The following KIAA1328 variants were observed in gnomAD, a reference collection of about 807,000 sequenced individuals.
KIAA1328 encodes the protein protein hinderin.
Under a neutral mutation model 68.1 loss-of-function variants are expected in KIAA1328, and 52 were observed. The observed-to-expected ratio is 0.76, with a 90% CI of 0.61 to 0.96. The LOEUF is 0.96. Among genes scored for constraint, KIAA1328 ranks in the 40% least tolerant of loss-of-function variants. The pLI is 0.00. For synonymous variants in KIAA1328, 232 were observed against 239.4 expected (o/e 0.97, Z 0.28); for missense variants, 641 against 677.6 (o/e 0.95, Z 0.60).
intron 5 of KIAA1328, among the ~76,000 whole-genome samples, chr18:36,889,861 G>C (rs1568127917): frequency 6.6e-6 from 1 of 152,058 alleles, no homozygotes; most frequent in Non-Finnish European, 1.5e-5. Flanking sequence ...CAAGGGTTAG[G>C]CTGCTTAGTA....
chr18:36,864,733 C>G (rs1173880299), intron 4 of KIAA1328, among the ~76,000 whole-genome samples: 2 of 151,524 alleles, frequency 1.3e-5, no homozygotes, highest in Non-Finnish European at 2.9e-5. Context: ...TTCACTGAAA[C>G]CATCCAGGCT....
intron 4 of KIAA1328, among the ~76,000 whole-genome samples, chr18:36,863,635 T>C (rs759435791): frequency 1.3e-5 from 2 of 152,184 alleles, no homozygotes; most frequent in Non-Finnish European, 2.9e-5. Flanking sequence ...GGGTTGGGTC[T>C]TCTCATCTAT....
rs149627595 is a variant in KIAA1328, at chr18:37,129,291, A to T, written c.1233-30909A>T. Among the ~76,000 whole-genome samples the T allele has an allele frequency of 5.2e-3, 793 of 152,256 alleles. 11 individuals carry two copies. Among genetic ancestry groups the T allele is most frequent in the African/African-American group, 0.018 (740 of 41,548 alleles). The stretch of plus-strand genomic sequence containing the variant: ...TGTGGATAAGTATTTTTATGGCAGC[A>T]TTATTTCCAGTGGAAAAAAAAACCA... On this transcript the variant is annotated intron_variant, in intron 7 of 9. Transcript: ENST00000280020.
At chr18:36,915,216 C>T (rs997457418) in intron 5 of KIAA1328, among the ~76,000 whole-genome samples, 8 of 152,094 alleles carry the variant, frequency 5.3e-5, no homozygotes, top group African/African-American at 1.4e-4. Context: ...AACTGAGATT[C>T]CAGAACTGGA....
chr18:37,064,477 G>A (rs1357055381), intron 6 of KIAA1328, among the ~76,000 whole-genome samples: 1 of 151,392 alleles, frequency 6.6e-6, no homozygotes, highest in Non-Finnish European at 1.5e-5. Context: ...GGAGTAGCTA[G>A]CTATTTCAAT....
intron 7 of KIAA1328, among the ~76,000 whole-genome samples, chr18:37,124,593 A>G (rs1643594618): frequency 6.6e-6 from 1 of 152,130 alleles, no homozygotes; most frequent in South Asian, 2.1e-4. Flanking sequence ...CTGTTTCAGT[A>G]TGTTTTACAT....
At chr18:36,911,191 G>T (rs576462248) in intron 5 of KIAA1328, among the ~76,000 whole-genome samples, 1 of 152,206 alleles carries the variant, frequency 6.6e-6, no homozygotes, top group African/African-American at 2.4e-5. Flanking sequence ...ATGATGAAAA[G>T]ATAACTTTAT....
chr18:37,168,411 C>T (rs2059432248), intron 8 of KIAA1328, among the ~76,000 whole-genome samples: 1 of 152,212 alleles, frequency 6.6e-6, no homozygotes, highest in African/African-American at 2.4e-5. Context: ...TAACTGACAG[C>T]ATCTGCCACA....
chr18:36,938,362 G>A (rs1209282149), intron 5 of KIAA1328, among the ~76,000 whole-genome samples: 1 of 151,984 alleles, frequency 6.6e-6, no homozygotes, highest in Non-Finnish European at 1.5e-5. Flanking sequence ...GTGATGATGA[G>A]CATTTTGTCA....
chr18:37,010,408 ACTC>A (rs2053935010), intron 6 of KIAA1328, among the ~76,000 whole-genome samples: 2 of 141,512 alleles, frequency 1.4e-5, no homozygotes, highest in Admixed American at 7.5e-5. Flanking sequence ...GTGACACTGC[ACTC>A]CAGCCTGTGC....
At chr18:36,966,120 CA>C (rs140158467) in intron 6 of KIAA1328, among the ~76,000 whole-genome samples, 2,714 of 152,244 alleles carry the variant, frequency 0.018, 52 homozygotes, top group Non-Finnish European at 0.023. Context: ...GGCAGTACAA[CA>C]GCTTATTCAA....
chr18:36,942,474 A>G (rs1568192493), intron 5 of KIAA1328, among the ~76,000 whole-genome samples: 1 of 152,216 alleles, frequency 6.6e-6, no homozygotes, highest in Non-Finnish European at 1.5e-5. Context: ...TAGTAGGTTC[A>G]CAAATCGCAG....
intron 7 of KIAA1328, among the ~76,000 whole-genome samples, chr18:37,087,810 G>GT (rs945330461): frequency 6.6e-6 from 1 of 151,882 alleles, no homozygotes; most frequent in East Asian, 1.9e-4. Context: ...GCCAGGGGGA[G>GT]TAAAAAAAAA....
At chr18:37,078,130 G>C (rs1427936778) in intron 7 of KIAA1328, among the ~76,000 whole-genome samples, 1 of 152,138 alleles carries the variant, frequency 6.6e-6, no homozygotes, top group Non-Finnish European at 1.5e-5. Context: ...CCAAAACAGA[G>C]ATATAGATCA....
chr18:36,906,467 T>C (rs2049225787), intron 5 of KIAA1328, among the ~76,000 whole-genome samples: 1 of 152,180 alleles, frequency 6.6e-6, no homozygotes, highest in Non-Finnish European at 1.5e-5. Flanking sequence ...CAGACTGGCT[T>C]TTTAAACTTA....
chr18:36,981,167 G>C (rs1300156658), intron 6 of KIAA1328, among the ~76,000 whole-genome samples: 1 of 152,168 alleles, frequency 6.6e-6, no homozygotes, highest in Non-Finnish European at 1.5e-5. Flanking sequence ...ATAGGGCATT[G>C]GGTAGAATAT....
intron 5 of KIAA1328, among the ~76,000 whole-genome samples, chr18:36,927,467 C>T (rs1037041561): frequency 2.0e-5 from 3 of 152,176 alleles, no homozygotes; most frequent in South Asian, 2.1e-4. Context: ...AAGAAAGAAG[C>T]CAGATGCACT....
chr18:37,161,409 A>G (rs1194358306), intron 8 of KIAA1328, among the ~76,000 whole-genome samples: 2 of 152,228 alleles, frequency 1.3e-5, no homozygotes, highest in Admixed American at 6.5e-5. Context: ...TAATTGAGAA[A>G]TGATAATTAG....
At chr18:37,139,336 GATTT>G (rs1415896226) in intron 7 of KIAA1328, among the ~76,000 whole-genome samples, 4 of 152,164 alleles carry the variant, frequency 2.6e-5, no homozygotes, top group Non-Finnish European at 4.4e-5. Context: ...GAAATATGAA[GATTT>G]AGTTGGGATG....
Sources: allele counts gnomAD v4.1 joint callset (sites outside exome capture counted in the v4.1 genomes callset), GRCh38; gene constraint gnomAD v4.1.1; transcripts MANE v1.5; gene names NCBI Gene and HGNC (gene_info 2026-07-23, HGNC 2026-07-21).